MARCHF1: variants seen among roughly 807,000 people sequenced by gnomAD.
MARCHF1 encodes E3 ubiquitin-protein ligase MARCHF1.
A neutral mutation model predicts 54.2 loss-of-function variants in MARCHF1; 40 were observed. The observed-to-expected ratio is 0.74, with a 90% CI of 0.57 to 0.96. The LOEUF is 0.96. Ranked by LOEUF, MARCHF1 falls within the 40% of genes least tolerant of loss-of-function variation. The pLI is 0.00. For missense variants in MARCHF1, 586 were observed against 656.5 expected (o/e 0.89, Z 1.17); for synonymous variants, 236 against 236.3 (o/e 1.00, Z 0.01).
intron 1 of MARCHF1, among the ~76,000 whole-genome samples, chr4:164,195,409 T>C (rs1423784405): frequency 3.3e-5 from 5 of 152,216 alleles, no homozygotes; most frequent in Non-Finnish European, 7.3e-5. Flanking sequence ...ATTATAAATA[T>C]TTTAAACAAA....
In MARCHF1 at chr4:163,659,264, C is replaced by T. The variant is rs116223534; in HGVS notation, c.162+41549G>A. Among the ~76,000 whole-genome samples the T allele has an allele frequency of 3.7e-3, 569 of 152,096 alleles. 6 individuals carry two copies. Among genetic ancestry groups the T allele is most frequent in the African/African-American group, 0.011 (444 of 41,518 alleles). On this transcript the variant is annotated intron_variant, in intron 5 of 9. Coordinates refer to ENST00000514618, the MANE Select transcript of MARCHF1 (RefSeq NM_001394959.1). ...ACACTGTTATCTTAAAAGTATACATCTGATCTTTGACAAACCTCACAAAAA... is the reference window on the plus strand; with the variant it reads ...ACACTGTTATCTTAAAAGTATACATTTGATCTTTGACAAACCTCACAAAAA...
intron 1 of MARCHF1, among the ~76,000 whole-genome samples, chr4:164,250,626 A>C (rs750003343): frequency 3.9e-5 from 6 of 152,120 alleles, no homozygotes; most frequent in Non-Finnish European, 8.8e-5. Context: ...TTCTCATCCC[A>C]GGTTGATTAA....
chr4:163,933,572 G>T (rs1269417862), intron 3 of MARCHF1, among the ~76,000 whole-genome samples: 1 of 152,190 alleles, frequency 6.6e-6, no homozygotes, highest in East Asian at 1.9e-4. Flanking sequence ...AAGTGACTGT[G>T]TTTTGTATTA....
intron 8 of MARCHF1, among the ~76,000 whole-genome samples, chr4:163,581,173 G>A (rs999343699): frequency 2.6e-5 from 4 of 152,216 alleles, no homozygotes; most frequent in Admixed American, 1.3e-4. Context: ...AGTGCAATGA[G>A]CACATGCTTT....
At chr4:163,905,819 C>T (rs1443707243) in intron 3 of MARCHF1, among the ~76,000 whole-genome samples, 4 of 152,120 alleles carry the variant, frequency 2.6e-5, no homozygotes, top group Admixed American at 6.5e-5. Context: ...AGAAGAACAA[C>T]CTGATAATAA....
intron 4 of MARCHF1, among the ~76,000 whole-genome samples, chr4:163,721,725 C>T (rs919701832): frequency 6.6e-6 from 1 of 152,096 alleles, no homozygotes; most frequent in African/African-American, 2.4e-5. Context: ...TTTGTCTATT[C>T]AGGGATTCAA....
intron 1 of MARCHF1, among the ~76,000 whole-genome samples, chr4:164,299,467 G>T (rs945193264): frequency 2.0e-5 from 3 of 152,120 alleles, no homozygotes; most frequent in Admixed American, 6.6e-5. Flanking sequence ...TTGAAATGGG[G>T]TATTTGATTC....
At chr4:164,253,521 T>C (rs1056783658) in intron 1 of MARCHF1, among the ~76,000 whole-genome samples, 58 of 152,162 alleles carry the variant, frequency 3.8e-4, no homozygotes, top group African/African-American at 1.3e-3. Flanking sequence ...ATGGTAGCAG[T>C]GGATTACAGC....
intron 4 of MARCHF1, among the ~76,000 whole-genome samples, chr4:163,779,837 C>A (rs35662731): frequency 0.035 from 5,262 of 151,646 alleles, 285 homozygotes; most frequent in East Asian, 0.22. Context: ...GAAAAAAAAA[C>A]CCCTATTACA....
At chr4:164,257,143 G>A (rs1733310757) in intron 1 of MARCHF1, among the ~76,000 whole-genome samples, 1 of 152,026 alleles carries the variant, frequency 6.6e-6, no homozygotes, top group Non-Finnish European at 1.5e-5. Flanking sequence ...CATTAAAATT[G>A]ATGGTTAGTT....
At chr4:163,781,168 C>A (rs532001633) in intron 4 of MARCHF1, among the ~76,000 whole-genome samples, 1 of 152,026 alleles carries the variant, frequency 6.6e-6, no homozygotes, top group South Asian at 2.1e-4. Flanking sequence ...CTGGCCAACA[C>A]GATGAAACCC....
intron 5 of MARCHF1, among the ~76,000 whole-genome samples, chr4:163,632,335 C>T (rs993283302): frequency 8.5e-5 from 13 of 152,146 alleles, no homozygotes; most frequent in Admixed American, 6.5e-4. Flanking sequence ...TCTGAGGTAC[C>T]GGGTTCATCT....
chr4:164,243,332 T>A (rs1371726677), intron 1 of MARCHF1, among the ~76,000 whole-genome samples: 6 of 143,358 alleles, frequency 4.2e-5, no homozygotes, highest in Admixed American at 2.1e-4. Flanking sequence ...TTCAACATTC[T>A]TAAAGAAAAG....
chr4:164,050,486 T>G (rs1232791347), intron 2 of MARCHF1, among the ~76,000 whole-genome samples: 1 of 152,030 alleles, frequency 6.6e-6, no homozygotes, highest in Non-Finnish European at 1.5e-5. Flanking sequence ...CTATGCTTCC[T>G]TCCATTGCTA....
At chr4:163,937,029 CT>C (rs1227724874) in intron 3 of MARCHF1, among the ~76,000 whole-genome samples, 1 of 152,136 alleles carries the variant, frequency 6.6e-6, no homozygotes, top group Non-Finnish European at 1.5e-5. Context: ...CACCTTCTCC[CT>C]AACAAGGGTG....
chr4:164,010,062 C>CTTTT (rs35143590), intron 2 of MARCHF1, among the ~76,000 whole-genome samples: 7 of 98,570 alleles, frequency 7.1e-5, no homozygotes, highest in East Asian at 3.0e-4. Flanking sequence ...TCAAAAAACT[C>CTTTT]TTTTTTTTTT....
intron 1 of MARCHF1, among the ~76,000 whole-genome samples, chr4:164,117,953 A>G (rs960685455): frequency 2.6e-5 from 4 of 152,060 alleles, no homozygotes; most frequent in Non-Finnish European, 4.4e-5. Flanking sequence ...GAGGTAAATT[A>G]AAAAACACAT....
chr4:164,222,977 G>C (rs979995083), intron 1 of MARCHF1, among the ~76,000 whole-genome samples: 12 of 152,006 alleles, frequency 7.9e-5, no homozygotes, highest in Non-Finnish European at 1.6e-4. Context: ...TGAAGGAAGA[G>C]AAAAGGGACT....
At chr4:164,085,228 A>G (rs1220485072) in intron 2 of MARCHF1, among the ~76,000 whole-genome samples, 2 of 151,830 alleles carry the variant, frequency 1.3e-5, no homozygotes, top group African/African-American at 4.8e-5. Flanking sequence ...TAACAATTCT[A>G]TTTATAAGTC....
Sources: allele counts gnomAD v4.1 joint callset (sites outside exome capture counted in the v4.1 genomes callset), GRCh38; gene constraint gnomAD v4.1.1; transcripts MANE v1.5; gene names NCBI Gene and HGNC (gene_info 2026-07-23, HGNC 2026-07-21).